RAB5B: variants seen among roughly 807,000 people sequenced by gnomAD.
RAB5B encodes the protein ras-related protein Rab-5B.
RAB5B carries 11 observed loss-of-function variants against 28.6 expected under a neutral mutation model. The observed-to-expected ratio is 0.38, with a 90% confidence interval of 0.24 to 0.64. The LOEUF (loss-of-function observed/expected upper bound fraction) is 0.64. RAB5B is among the 30% of genes least tolerant of loss of function. The pLI is 0.53. For synonymous variants in RAB5B, 93 were observed against 97.9 expected (o/e 0.95, Z 0.29); for missense variants, 169 against 265.6 (o/e 0.64, Z 2.53).
chr12:55,987,692 G>A (rs778042997), intron 2 of RAB5B, among the ~76,000 whole-genome samples: 3 of 151,710 alleles, frequency 2.0e-5, no homozygotes, highest in African/African-American at 7.3e-5. Flanking sequence ...TTAGCCAGGC[G>A]TGGTGGCAGG....
At chr12:55,989,277 GTT>G (rs1274404991) in intron 2 of RAB5B, among the ~76,000 whole-genome samples, 1 of 150,366 alleles carries the variant, frequency 6.7e-6, no homozygotes, top group Non-Finnish European at 1.5e-5. Flanking sequence ...GTTTGCGTTT[GTT>G]TGTTTGTTTT....
At position 55,990,123 on chromosome 12, in the gene RAB5B, T is replaced by G. The variant is rs1890066027; in HGVS notation, c.315+25T>G. 3.1e-6 allele frequency: 5 copies of G among 1,600,558 alleles called. No homozygotes were observed. The East Asian group carries it at 1.1e-4, about 36-fold the overall frequency. ...GGTAAGTGAGCTAAGAAGACTGTCC[T>G]TGTTGGCTGGACATGGTGGCTTACG... On this transcript the variant is annotated intron_variant, in intron 3 of 5. Transcript: ENST00000360299.
rs1036852533 is a variant in RAB5B at position 55,994,800 on chromosome 12, C to T, written c.*2588C>T. 5.3e-5 allele frequency: 8 copies of T among 151,734 alleles called. No individual in the cohort carries two copies. The highest frequency in any genetic ancestry group is 1.9e-4 in the East Asian group (1 of 5,170). The allele number at this position is 151,734 out of a possible 1,614,324, so 9.4% of individuals were successfully genotyped here. ...ACTAGGAATTTGGAAGAAAGGATAC[C>T]CAGTAATGTTCTACTGAATCAGAAA... On this transcript the variant is annotated 3_prime_UTR_variant, in exon 6 of 6. Coordinates refer to ENST00000360299, the MANE Select transcript of RAB5B (RefSeq NM_002868.4).
chr12:55,982,602 C>T (rs982553337), intron 1 of RAB5B, among the ~76,000 whole-genome samples: 1 of 152,138 alleles, frequency 6.6e-6, no homozygotes, highest in African/African-American at 2.4e-5. Context: ...CCAGAACATA[C>T]TCTTAAGGCT....
chr12:55,977,947 C>G (rs1234313224), intron 1 of RAB5B, among the ~76,000 whole-genome samples: 1 of 152,106 alleles, frequency 6.6e-6, no homozygotes, highest in Non-Finnish European at 1.5e-5. Context: ...GATAGTGGCC[C>G]AAAGCTTTTG....
chr12:55,991,650 C>G lies in RAB5B; in HGVS notation c.532+197C>G, dbSNP rs1277343672. 1.9e-5 allele frequency: 10 copies of G among 531,858 alleles called. No individual in the cohort carries two copies. The Admixed American group carries it at 3.2e-4, about 17-fold the overall frequency. 32.9% of individuals were successfully genotyped at this position (531,858 alleles called of 1,614,324 possible). On this transcript the variant is annotated intron_variant, in intron 5 of 5. Coordinates refer to ENST00000360299, the MANE Select transcript of RAB5B (RefSeq NM_002868.4). ...GTCTTCAATGTGTAAGTTTGCCGGC[C>G]AGGTGTGGTGGCTAACACCTGTAAT...
chr12:55,974,663 A>G (rs538085681), intron 1 of RAB5B, among the ~76,000 whole-genome samples: 57 of 152,098 alleles, frequency 3.7e-4, no homozygotes, highest in Non-Finnish European at 7.5e-4. Flanking sequence ...TGAGGGTGCT[A>G]TGGTGTTGAG....
rs184760332 is a variant in RAB5B at position 55,989,330 on chromosome 12, A to G, written c.164-617A>G. On this transcript the variant is annotated intron_variant, in intron 2 of 5. Transcript: ENST00000360299. The stretch of plus-strand genomic sequence containing the variant: ...GCTCTTGTTGCCCAGGCTGAAGTGC[A>G]GTGGCGCCATCTTGGCTCACTGCAA... Among the ~76,000 whole-genome samples, 226 of 152,280 alleles carry G rather than the reference A, an allele frequency of 1.5e-3. 4 individuals carry two copies. The East Asian group carries it at 0.024, about 16-fold the overall frequency.
Position 55,991,535 on chromosome 12 carries a change from C to A in RAB5B, c.532+82C>A, listed in dbSNP as rs1438839134. 49 of 1,163,698 alleles carry A rather than the reference C, an allele frequency of 4.2e-5. No individual in the cohort carries two copies. In the South Asian group the frequency reaches 5.4e-4, roughly 13 times the overall value. 72.1% of individuals were successfully genotyped at this position (1,163,698 alleles called of 1,614,324 possible). ...AGCTAACCCAAATCAAGGATAGGTGCGAGTATCTCCTTTTGCAAAAACTTT... is the reference window on the plus strand; with the variant it reads ...AGCTAACCCAAATCAAGGATAGGTGAGAGTATCTCCTTTTGCAAAAACTTT... On this transcript the variant is annotated intron_variant, in intron 5 of 5. Transcript: ENST00000360299.
chr12:55,989,932 T>C lies in RAB5B; in HGVS notation c.164-15T>C. On this transcript the variant is annotated splice_polypyrimidine_tract_variant and intron_variant, in intron 2 of 5. Transcript: ENST00000360299. ...CCCACTTACAGCATCTTCCCCTCCA[T>C]TCTCTCATCCATAGCGGCCTTCCTC... The C allele has an allele frequency of 2.5e-6, 4 of 1,606,340 alleles. No individual in the cohort carries two copies. The highest frequency in any genetic ancestry group is 3.4e-6 in the Non-Finnish European group (4 of 1,173,098).
At position 55,987,072 on chromosome 12, in the gene RAB5B, T is replaced by C. The variant is rs755230046; in HGVS notation, c.112T>C (p.Leu38=). The C allele has an allele frequency of 9.3e-6, 15 of 1,614,082 alleles. No homozygotes were observed. Among genetic ancestry groups the C allele is most frequent in the Non-Finnish European group, 1.3e-5 (15 of 1,180,002 alleles). Residue 38 remains leucine, a synonymous_variant, in exon 2 of 6, where the codon TTA becomes CTA. Transcript: ENST00000360299. The part of the protein sequence containing the change: ...ESAVGKSSLV[L]RFVKGQFHEY... Reference sequence around the variant, plus strand: ...TGCAGTGGGAAAGTCAAGCCTGGTATTACGTTTTGTCAAAGGGCAGTTCCA... The same window carrying C: ...TGCAGTGGGAAAGTCAAGCCTGGTACTACGTTTTGTCAAAGGGCAGTTCCA...
chr12:55,991,028 C>A (rs1346194963), intron 4 of RAB5B: 11 of 562,274 alleles, frequency 2.0e-5, no homozygotes, highest in Non-Finnish European at 3.4e-5. Flanking sequence ...GAGGTACCAG[C>A]TGTGGGGGTA....
At position 55,992,914 on chromosome 12, in the gene RAB5B, G is replaced by C. The variant is rs1856298372; in HGVS notation, c.*702G>C. The C allele has an allele frequency of 2.1e-5, 5 of 238,126 alleles. No individual in the cohort carries two copies. The highest frequency in any genetic ancestry group is 3.3e-5 in the Non-Finnish European group (4 of 122,588). 14.8% of individuals were successfully genotyped at this position (238,126 alleles called of 1,614,324 possible). ...CTAACTGGGCGGAGGTGGAGGTGCA[G>C]TGTCAACTGTGGCTCTGTAACTCTT... is the stretch of plus-strand genomic sequence containing the variant. On this transcript the variant is annotated 3_prime_UTR_variant, in exon 6 of 6. Coordinates refer to ENST00000360299, the MANE Select transcript of RAB5B (RefSeq NM_002868.4).
intron 1 of RAB5B, among the ~76,000 whole-genome samples, chr12:55,975,829 G>A (rs1459827840): frequency 8.5e-6 from 1 of 117,604 alleles, no homozygotes; most frequent in African/African-American, 3.4e-5. Context: ...GAGTCTCACT[G>A]CAACCTCCAC....
In RAB5B at chr12:55,992,559, C is replaced by T; in HGVS notation, c.*347C>T. 1 of 477,896 alleles carries T rather than the reference C, an allele frequency of 2.1e-6. No individual in the cohort carries two copies. Among genetic ancestry groups the T allele is most frequent in the South Asian group, 1.5e-5 (1 of 64,694 alleles). 29.6% of individuals were successfully genotyped at this position (477,896 alleles called of 1,614,324 possible). A position where few individuals can be genotyped will look rare whatever the true frequency, so the allele number is the denominator to read the frequency against. Reference sequence around the variant, plus strand: ...TGTTCCTCCCCATTTTTTCAGAAAACACTTCTGACTCCTGTCCCTTCCCCT... The same window carrying T: ...TGTTCCTCCCCATTTTTTCAGAAAATACTTCTGACTCCTGTCCCTTCCCCT... On this transcript the variant is annotated 3_prime_UTR_variant, in exon 6 of 6. Transcript: ENST00000360299.
At chr12:55,980,508 G>A (rs908651678) in intron 1 of RAB5B, 22 of 1,588,342 alleles carry the variant, frequency 1.4e-5, no homozygotes, top group African/African-American at 8.1e-5. Flanking sequence ...CCTGATCTCC[G>A]GCCTCCTGAC....
rs1890258582 is a variant in RAB5B at position 55,995,427 on chromosome 12, TCAAAGGGGTCCATGACC to T, written c.*3222_*3238del. On this transcript the variant is annotated 3_prime_UTR_variant, in exon 6 of 6. Coordinates refer to ENST00000360299, the MANE Select transcript of RAB5B (RefSeq NM_002868.4). ...TCTAGGATCCATTTCTATATGTTTC[TCAAAGGGGTCCATGACC>T]CAAAGGTTGAAAAACATCACTGAGT... is the stretch of plus-strand genomic sequence containing the variant. 6.6e-6 allele frequency: 1 copy of T among 152,168 alleles called. No homozygotes were observed. The highest frequency in any genetic ancestry group is 1.5e-5 in the Non-Finnish European group (1 of 68,042). 9.4% of individuals were successfully genotyped at this position (152,168 alleles called of 1,614,324 possible).
At chr12:55,988,500 T>TTTTA (rs1285472210) in intron 2 of RAB5B, among the ~76,000 whole-genome samples, 21 of 152,222 alleles carry the variant, frequency 1.4e-4, no homozygotes, top group African/African-American at 3.9e-4. Context: ...CCCTTGTTAT[T>TTTTA]TTTATTTATT....
chr12:55,991,329 T>C, intron 4 of RAB5B, 31 bp from the exon 5 acceptor site: 1 of 1,544,354 alleles, frequency 6.5e-7, no homozygotes, highest in Non-Finnish European at 9.0e-7. Context: ...CACCCTACAT[T>C]CTGAGCACTA....
Sources: allele counts gnomAD v4.1 joint callset (sites outside exome capture counted in the v4.1 genomes callset), GRCh38; gene constraint gnomAD v4.1.1; transcripts MANE v1.5; gene names NCBI Gene and HGNC (gene_info 2026-07-23, HGNC 2026-07-21).